TNFSF13B: variants seen among roughly 807,000 people sequenced by gnomAD.
TNFSF13B encodes tumor necrosis factor ligand superfamily member 13B.
Under a neutral mutation model 29.1 loss-of-function variants are expected in TNFSF13B, and 8 were observed. The observed-to-expected ratio is 0.27, with a 90% CI of 0.16 to 0.50. TNFSF13B has a LOEUF of 0.50. Ranked by LOEUF, TNFSF13B falls within the 20% of genes least tolerant of loss-of-function variation. The pLI, the probability that TNFSF13B is intolerant of heterozygous loss-of-function variation, is 0.98. For missense variants in TNFSF13B, 248 were observed against 334.9 expected (o/e 0.74, Z 2.03); for synonymous variants, 125 against 130.8 (o/e 0.96, Z 0.30).
intron 2 of TNFSF13B, among the ~76,000 whole-genome samples, chr13:108,270,922 TTTTG>T (rs1023118457): frequency 1.7e-4 from 26 of 152,066 alleles, no homozygotes; most frequent in African/African-American, 5.8e-4. Context: ...TGTACTTTAA[TTTTG>T]TTTATTTGTT....
chr13:108,300,270 A>G (rs1881579181), intron 3 of TNFSF13B, among the ~76,000 whole-genome samples: 2 of 152,194 alleles, frequency 1.3e-5, no homozygotes, highest in Non-Finnish European at 2.9e-5. Context: ...TTAAATTTGA[A>G]TTCATTAATT....
intron 3 of TNFSF13B, among the ~76,000 whole-genome samples, chr13:108,289,582 G>A (rs1881246112): frequency 6.9e-6 from 1 of 145,672 alleles, no homozygotes; most frequent in South Asian, 2.1e-4. Context: ...AATATATAAT[G>A]TATTATAATA....
At chr13:108,282,815 A>T (rs923311243) in intron 2 of TNFSF13B, among the ~76,000 whole-genome samples, 8 of 152,314 alleles carry the variant, frequency 5.3e-5, no homozygotes, top group African/African-American at 1.9e-4. Context: ...AAGGGTTTTA[A>T]TGTATATTAT....
intron 2 of TNFSF13B, among the ~76,000 whole-genome samples, chr13:108,286,335 C>G (rs1428023255): frequency 1.3e-5 from 2 of 151,802 alleles, no homozygotes; most frequent in African/African-American, 4.9e-5. Flanking sequence ...GCACTTAAAT[C>G]TGTTCAATAC....
In TNFSF13B at chr13:108,269,939, G is replaced by T; in HGVS notation, c.44G>T (p.Cys15Phe). The T allele has an allele frequency of 6.2e-7, 1 of 1,613,448 alleles. No homozygotes were observed. The highest frequency in any genetic ancestry group is 8.5e-7 in the Non-Finnish European group (1 of 1,179,936). The change falls in exon 1 of 6, where the codon TGC (cysteine) becomes TTC (phenylalanine). Residue 15 changes from cysteine to phenylalanine, a missense_variant. By Grantham distance (205) the Cys-to-Phe change is radical. Transcript: ENST00000375887. ...TEREQSRLTS[C>F]LKKREEMKLK... ...AGGGAGCAGTCACGCCTTACTTCTT[G>T]CCTTAAGAAAAGAGAAGAAATGAAA...
intron 2 of TNFSF13B, among the ~76,000 whole-genome samples, chr13:108,281,179 T>A (rs1021962215): frequency 2.6e-5 from 4 of 152,082 alleles, no homozygotes; most frequent in Non-Finnish European, 4.4e-5. Context: ...AGGCCGAGTT[T>A]GCAATGAGCC....
At chr13:108,292,089 G>T (rs772094622) in intron 3 of TNFSF13B, among the ~76,000 whole-genome samples, 55 of 151,842 alleles carry the variant, frequency 3.6e-4, no homozygotes, top group Non-Finnish European at 7.1e-4. Context: ...ATTTTCTTCA[G>T]CCCCAGAGAA....
chr13:108,299,439 A>G (rs1249388165), intron 3 of TNFSF13B, among the ~76,000 whole-genome samples: 1 of 109,304 alleles, frequency 9.1e-6, no homozygotes, highest in African/African-American at 3.7e-5. Context: ...CTGTTAATGG[A>G]TGTGGACTGC....
At chr13:108,277,517 C>G (rs567706743) in intron 2 of TNFSF13B, among the ~76,000 whole-genome samples, 1 of 152,078 alleles carries the variant, frequency 6.6e-6, no homozygotes, top group Non-Finnish European at 1.5e-5. Context: ...GATCCAGACC[C>G]CCGGAGAGGG....
chr13:108,272,554 C>T (rs965709641), intron 2 of TNFSF13B, among the ~76,000 whole-genome samples: 6 of 151,932 alleles, frequency 3.9e-5, no homozygotes, highest in Admixed American at 1.3e-4. Context: ...TTAACTTCCC[C>T]CTCTCTCTTT....
At chr13:108,294,039 T>C (rs1190011731) in intron 3 of TNFSF13B, among the ~76,000 whole-genome samples, 1 of 152,198 alleles carries the variant, frequency 6.6e-6, no homozygotes, top group Non-Finnish European at 1.5e-5. Flanking sequence ...CTACTGTAAA[T>C]GGGATTCTTT....
intron 5 of TNFSF13B, among the ~76,000 whole-genome samples, chr13:108,304,647 G>C (rs1368192182): frequency 1.3e-5 from 2 of 152,164 alleles, no homozygotes; most frequent in African/African-American, 4.8e-5. Flanking sequence ...AATGGCTTCA[G>C]TTCCAGATGG....
intron 3 of TNFSF13B, among the ~76,000 whole-genome samples, chr13:108,296,240 T>G (rs1396288796): frequency 1.4e-5 from 2 of 145,890 alleles, no homozygotes; most frequent in Admixed American, 1.4e-4. Flanking sequence ...TCCTTTCGGT[T>G]CAGCCAATAT....
At chr13:108,288,756 C>G (rs373857949) in intron 3 of TNFSF13B, among the ~76,000 whole-genome samples, 1 of 152,204 alleles carries the variant, frequency 6.6e-6, no homozygotes, top group South Asian at 2.1e-4. Context: ...GTAGATGAGA[C>G]GAAATGCTGT....
At chr13:108,280,189 T>A (rs551764685) in intron 2 of TNFSF13B, among the ~76,000 whole-genome samples, 5 of 152,094 alleles carry the variant, frequency 3.3e-5, no homozygotes, top group Non-Finnish European at 7.4e-5. Flanking sequence ...AGTTAAAAAT[T>A]TAAACCATTC....
At position 108,269,992 on chromosome 13, in the gene TNFSF13B, C is replaced by A; in HGVS notation, c.97C>A (p.Arg33=). Residue 33 remains arginine (R), a synonymous_variant, in exon 1 of 6, where the codon CGG becomes AGG. Transcript: ENST00000375887. ...KLKECVSILP[R]KESPSVRSSK... ...GAAGGAGTGTGTTTCCATCCTCCCACGGAAGGAAAGCCCCTCTGTCCGATC... is the reference window on the plus strand; with the variant it reads ...GAAGGAGTGTGTTTCCATCCTCCCAAGGAAGGAAAGCCCCTCTGTCCGATC... The A allele has an allele frequency of 6.2e-7, 1 of 1,613,498 alleles. No individual in the cohort carries two copies. Among genetic ancestry groups the A allele is most frequent in the Non-Finnish European group, 8.5e-7 (1 of 1,179,980 alleles).
intron 2 of TNFSF13B, among the ~76,000 whole-genome samples, chr13:108,271,774 A>G (rs936293174): frequency 4.6e-5 from 7 of 152,130 alleles, no homozygotes; most frequent in African/African-American, 1.7e-4. Flanking sequence ...TTTGACTTAT[A>G]CAATAAGGAT....
intron 3 of TNFSF13B, among the ~76,000 whole-genome samples, chr13:108,289,274 A>G (rs1414801119): frequency 1.3e-5 from 2 of 151,880 alleles, no homozygotes; most frequent in Non-Finnish European, 2.9e-5. Flanking sequence ...ACTGCTTGCC[A>G]CAGATCCAGG....
chr13:108,298,875 G>A (rs1239315254), intron 3 of TNFSF13B, among the ~76,000 whole-genome samples: 4 of 145,560 alleles, frequency 2.7e-5, no homozygotes, highest in Admixed American at 1.4e-4. Context: ...GGAGGCTGAG[G>A]CAGGAGAATC....
Sources: gnomAD v4.1 joint callset for allele counts (sites outside exome capture counted in the v4.1 genomes callset) on GRCh38, gnomAD v4.1.1 for gene constraint, MANE v1.5 for transcripts, NCBI Gene and HGNC (gene_info 2026-07-23, HGNC 2026-07-21) for gene names.